Variants in SEMA4G observed in about 807,000 individuals in gnomAD.
The protein encoded by SEMA4G is semaphorin-4G.
Under a neutral mutation model 81.2 loss-of-function variants are expected in SEMA4G, and 59 were observed. The observed-to-expected ratio is 0.73, with a 90% CI of 0.59 to 0.90. The LOEUF (loss-of-function observed/expected upper bound fraction) is 0.90, where lower values mean the gene tolerates loss of function less well. Ranked by LOEUF, SEMA4G falls within the 40% of genes least tolerant of loss-of-function variation. The pLI, the probability that SEMA4G is intolerant of heterozygous loss-of-function variation, is 0.00. For missense variants in SEMA4G, 952 were observed against 1,102.3 expected (o/e 0.86, Z 1.93); for synonymous variants, 404 against 433.9 (o/e 0.93, Z 0.86).
exon 14 of SEMA4G, chr10:100,983,507 C>T (rs2133902664): frequency 6.2e-7 from 1 of 1,614,208 alleles, no homozygotes; most frequent in Admixed American, 1.7e-5. Flanking sequence ...GCAACTATGG[C>T]TGCTATGCCG....
intron 3 of SEMA4G, among the ~76,000 whole-genome samples, chr10:100,974,031 C>G (rs1265172316): frequency 6.6e-6 from 1 of 151,946 alleles, no homozygotes; most frequent in East Asian, 1.9e-4. Context: ...CTACCTTAGC[C>G]TCCCAAAGTG....
chr10:100,984,391 A>G, exon 14 of SEMA4G: 1 of 1,451,988 alleles, frequency 6.9e-7, no homozygotes, highest in Non-Finnish European at 9.0e-7. Context: ...TGCCCTGCAG[A>G]CCCAGAGCCA....
exon 14 of SEMA4G, chr10:100,983,847 G>C: frequency 6.3e-7 from 1 of 1,591,282 alleles, no homozygotes; most frequent in Non-Finnish European, 8.6e-7. Flanking sequence ...TGATGATGAG[G>C]GGGCTGGGGG....
At chr10:100,974,984 T>C in intron 3 of SEMA4G, 2 of 526,512 alleles carry the variant, frequency 3.8e-6, no homozygotes, top group South Asian at 2.9e-5. Context: ...CAAGATCCAC[T>C]GGGCCAAGGT....
Position 100,973,453 on chromosome 10 carries a change from C to G in SEMA4G, c.274-94C>G, listed in dbSNP as rs755927869. On this transcript the variant is annotated intron_variant, in intron 2 of 13. Transcript: ENST00000370250. The surrounding 1 kb of genome is among the most constrained non-coding windows in gnomAD (Gnocchi z 5.5). Reference sequence around the variant, plus strand: ...TTCCTCCTGAAATTGATCCCCACCCCAATTTCCCCAACTCTGTGGGGTCCT... The same window carrying G: ...TTCCTCCTGAAATTGATCCCCACCCGAATTTCCCCAACTCTGTGGGGTCCT... The G allele has an allele frequency of 1.2e-4, 176 of 1,453,012 alleles. No homozygotes were observed. The highest frequency in any genetic ancestry group is 1.6e-4 in the Non-Finnish European group (172 of 1,047,656). 90.0% of individuals were successfully genotyped at this position (1,453,012 alleles called of 1,614,324 possible).
chr10:100,985,506 G>A (rs1370830712), downstream of SEMA4G: 1 of 152,652 alleles, frequency 6.6e-6, no homozygotes, highest in Non-Finnish European at 1.5e-5. Context: ...CACTTCTTTA[G>A]GAATGCCCCC....
exon 14 of SEMA4G, chr10:100,983,730 C>A (rs542184127): frequency 6.2e-7 from 1 of 1,613,374 alleles, no homozygotes; most frequent in East Asian, 2.2e-5. Context: ...GGAAGGCAGA[C>A]GAGGGCGCCG....
chr10:100,975,096 G>A (rs562760685), intron 3 of SEMA4G: 1 of 518,462 alleles, frequency 1.9e-6, no homozygotes, highest in Non-Finnish European at 3.9e-6. Context: ...AATGGGGCTG[G>A]GGAGGCAGAT....
At chr10:100,974,486 G>C (rs1850723283) in intron 3 of SEMA4G, among the ~76,000 whole-genome samples, 1 of 151,976 alleles carries the variant, frequency 6.6e-6, no homozygotes, top group African/African-American at 2.4e-5. Flanking sequence ...ACAAAAAACA[G>C]TAAGTAACCT....
At chr10:100,980,488 G>A in intron 10 of SEMA4G, 90 bp from the exon 12 acceptor site, 4 of 1,371,406 alleles carry the variant, frequency 2.9e-6, no homozygotes, top group Non-Finnish European at 4.1e-6. Context: ...TGGACCTCAG[G>A]ACTCCTGAGC....
intron 4 of SEMA4G, 73 bp downstream of exon 5, chr10:100,977,803 A>G (rs1468915725): frequency 7.7e-7 from 1 of 1,297,196 alleles, no homozygotes; most frequent in Non-Finnish European, 1.1e-6. Context: ...GATGCCAAAG[A>G]AGAGACTCAG....
exon 14 of SEMA4G, chr10:100,983,428 A>G: frequency 6.2e-7 from 1 of 1,613,646 alleles, no homozygotes; most frequent in African/African-American, 1.3e-5. Flanking sequence ...GGCCTGAGCG[A>G]TGGGCAGGGT....
Position 100,979,025 on chromosome 10 carries a change from T to A in SEMA4G, c.813+7T>A. On this transcript the variant is annotated splice_region_variant and intron_variant, in intron 7 of 13. Coordinates refer to ENST00000370250, the Ensembl canonical transcript of SEMA4G. ...TGTGGCTCGTGTCTGCAAGGTGGAT[T>A]GGGCTGACGTTGGGGCACGGGTATA... 6.2e-7 allele frequency: 1 copy of A among 1,613,776 alleles called. No individual in the cohort carries two copies. The highest frequency in any genetic ancestry group is 8.5e-7 in the Non-Finnish European group (1 of 1,179,726).
At chr10:100,983,265 T>A in intron 13 of SEMA4G, 40 bp from the exon 15 acceptor site, 3 of 1,473,646 alleles carry the variant, frequency 2.0e-6, no homozygotes, top group Non-Finnish European at 2.7e-6. Flanking sequence ...AATCCCTTCC[T>A]GGGACGGGCT....
chr10:100,978,471 T>G, intron 5 of SEMA4G, 56 bp from the exon 7 acceptor site: 3 of 1,597,460 alleles, frequency 1.9e-6, no homozygotes, highest in Non-Finnish European at 2.6e-6. Flanking sequence ...CATGTATATG[T>G]CATGTGCCCT....
rs76584327 is a variant in SEMA4G at position 100,980,261 on chromosome 10, G to A, written c.1268G>A (p.Arg423His). The change falls in exon 10 of 14, where the codon CGC becomes CAC. Residue 423 changes from arginine (R) to histidine (H), a missense_variant. Around this residue, in one of 3 missense-constraint regions of SEMA4G, gnomAD observed 131 missense variants for 200.7 expected, o/e 0.65. Coordinates refer to ENST00000370250, the Ensembl canonical transcript of SEMA4G. Reference sequence around the variant, plus strand: ...CGTGGACGGCCCCTGCTGCTCAAGCGCAACATACGCTACACACACCTTACA... The same window carrying A: ...CGTGGACGGCCCCTGCTGCTCAAGCACAACATACGCTACACACACCTTACA... 2.1e-4 allele frequency: 331 copies of A among 1,614,198 alleles called. 3 individuals are homozygous for A. In the East Asian group the frequency reaches 4.7e-3, roughly 23 times the overall value.
chr10:100,978,014 A>G, intron 4 of SEMA4G: 2 of 571,336 alleles, frequency 3.5e-6, no homozygotes, highest in Non-Finnish European at 6.2e-6. Flanking sequence ...TCCCCTGGAC[A>G]GCATGTGTTC....
At position 100,973,092 on chromosome 10, in the gene SEMA4G, C is replaced by T. The variant is rs751161960; in HGVS notation, c.125-37C>T. On this transcript the variant is annotated intron_variant, in intron 1 of 13. Coordinates refer to ENST00000370250, the Ensembl canonical transcript of SEMA4G. This position sits in a 1 kb window ranked among gnomAD's most constrained non-coding sequence, Gnocchi z 5.5. The stretch of plus-strand genomic sequence containing the variant: ...AGCCAGGGCTGGGGGTGGGGAGGCA[C>T]CCCAGAACTAGGGCTCACTGTTCCT... The T allele has an allele frequency of 1.2e-6, 2 of 1,613,976 alleles. No individual in the cohort carries two copies. Among genetic ancestry groups the T allele is most frequent in the African/African-American group, 2.7e-5 (2 of 74,898 alleles).
At chr10:100,981,685 C>A in intron 13 of SEMA4G, 1 of 1,047,834 alleles carries the variant, frequency 9.5e-7, no homozygotes, top group Non-Finnish European at 1.4e-6. Context: ...TTATTATTAT[C>A]CCCATGAGGG....
Sources: gnomAD v4.1 joint callset for allele counts (sites outside exome capture counted in the v4.1 genomes callset) on GRCh38, gnomAD v4.1.1 for gene constraint, gnomAD v4.1.1 regional missense constraint, Gnocchi (gnomAD v3.1) non-coding constraint, MANE v1.5 for transcripts, NCBI Gene and HGNC (gene_info 2026-07-23, HGNC 2026-07-21) for gene names.